Variants in CNTNAP2 observed in about 807,000 individuals in gnomAD.
CNTNAP2 encodes the protein contactin associated protein 2, also known as contactin-associated protein-like 2.
Under a neutral mutation model 155.2 loss-of-function variants are expected in CNTNAP2, and 98 were observed. The ratio of observed to expected loss-of-function variants is 0.63; its 90% CI spans 0.54 to 0.75. The LOEUF (loss-of-function observed/expected upper bound fraction) is 0.75. Among genes scored for constraint, CNTNAP2 ranks in the 30% least tolerant of loss-of-function variants. The pLI is 0.00. For synonymous variants in CNTNAP2, 651 were observed against 631.2 expected (o/e 1.03, Z -0.47); for missense variants, 1,727 against 1,688.1 (o/e 1.02, Z -0.40).
intron 1 of CNTNAP2, among the ~76,000 whole-genome samples, chr7:146,353,316 G>A (rs368337755): frequency 1.3e-4 from 19 of 151,998 alleles, no homozygotes; most frequent in African/African-American, 4.4e-4. Flanking sequence ...TTAAAACACG[G>A]TCTTCACTTG....
At chr7:147,728,405 G>A (rs1425161367) in intron 13 of CNTNAP2, among the ~76,000 whole-genome samples, 2 of 152,000 alleles carry the variant, frequency 1.3e-5, no homozygotes, top group Non-Finnish European at 2.9e-5. Context: ...TTTTTAAACT[G>A]AATTCTTAAA....
chr7:147,437,089 A>C lies in CNTNAP2; in HGVS notation c.1670+41309A>C, dbSNP rs544288957. 1.3e-4 allele frequency among the ~76,000 whole-genome samples: 20 copies of C among 152,174 alleles called. No individual in the cohort carries two copies. In the South Asian group the frequency reaches 4.2e-3, roughly 32 times the overall value. The stretch of plus-strand genomic sequence containing the variant: ...TAAGGCCATCTTGGTCTCGGTGAAC[A>C]CTTGGTTTTCACATAGTTTTAATCA... On this transcript the variant is annotated intron_variant, in intron 10 of 23. Transcript: ENST00000361727.
intron 1 of CNTNAP2, among the ~76,000 whole-genome samples, chr7:146,422,044 A>T (rs1796019469): frequency 6.6e-6 from 1 of 150,506 alleles, no homozygotes; most frequent in South Asian, 2.1e-4. Context: ...CATATGGGTA[A>T]TTTTTTTTTA....
chr7:147,284,465 C>T, intron 8 of CNTNAP2, among the ~76,000 whole-genome samples: 1 of 151,858 alleles, frequency 6.6e-6, no homozygotes, highest in Non-Finnish European at 1.5e-5. Flanking sequence ...TACACATATA[C>T]AAGCACACAT....
intron 8 of CNTNAP2, among the ~76,000 whole-genome samples, chr7:147,264,474 G>T (rs1804562770): frequency 6.6e-6 from 1 of 151,846 alleles, no homozygotes; most frequent in Non-Finnish European, 1.5e-5. Flanking sequence ...GTGAGGGGTT[G>T]TGAATAGTCT....
chr7:146,656,930 T>G (rs535139412), intron 1 of CNTNAP2, among the ~76,000 whole-genome samples: 17 of 152,152 alleles, frequency 1.1e-4, no homozygotes, highest in Non-Finnish European at 2.1e-4. Flanking sequence ...AAGAAACAAT[T>G]TTTTGTACAT....
At chr7:147,651,912 G>A (rs1289111481) in intron 13 of CNTNAP2, among the ~76,000 whole-genome samples, 37 of 152,142 alleles carry the variant, frequency 2.4e-4, no homozygotes, top group Admixed American at 2.4e-3. Flanking sequence ...TCGGAAAGCT[G>A]CAATGTAGCC....
intron 15 of CNTNAP2, among the ~76,000 whole-genome samples, chr7:148,036,285 G>C (rs898480003): frequency 6.6e-6 from 1 of 152,172 alleles, no homozygotes; most frequent in Admixed American, 6.5e-5. Flanking sequence ...GGGATGAAAT[G>C]CTATAATTTG....
chr7:146,238,449 T>G (rs757154698), intron 1 of CNTNAP2, among the ~76,000 whole-genome samples: 1 of 152,000 alleles, frequency 6.6e-6, no homozygotes, highest in Non-Finnish European at 1.5e-5. Flanking sequence ...ATGTCCGAAG[T>G]TTGGACAGGG....
At chr7:146,260,515 C>A (rs1044561713) in intron 1 of CNTNAP2, among the ~76,000 whole-genome samples, 1 of 152,198 alleles carries the variant, frequency 6.6e-6, no homozygotes, top group South Asian at 2.1e-4. Flanking sequence ...CCTTGGGAGC[C>A]TCCCCTCCTT....
chr7:147,459,445 G>T (rs775858064), intron 10 of CNTNAP2, among the ~76,000 whole-genome samples: 17 of 152,152 alleles, frequency 1.1e-4, no homozygotes, highest in Admixed American at 2.0e-4. Context: ...TGACATGACA[G>T]CAGAGACTTT....
At chr7:146,730,536 C>A (rs1266069931) in intron 1 of CNTNAP2, among the ~76,000 whole-genome samples, 1 of 152,120 alleles carries the variant, frequency 6.6e-6, no homozygotes, top group African/African-American at 2.4e-5. Flanking sequence ...ATTACATAAT[C>A]TCTACCCCCT....
At chr7:148,097,822 A>G (rs1226366240) in intron 15 of CNTNAP2, among the ~76,000 whole-genome samples, 1 of 152,190 alleles carries the variant, frequency 6.6e-6, no homozygotes, top group Non-Finnish European at 1.5e-5. Context: ...GTAAGCACCT[A>G]CTATGTGCCC....
chr7:147,799,852 C>T (rs2116586775), intron 13 of CNTNAP2, among the ~76,000 whole-genome samples: 1 of 152,258 alleles, frequency 6.6e-6, no homozygotes, highest in East Asian at 1.9e-4. Flanking sequence ...TTTTTTCACA[C>T]CACTCAATAT....
chr7:148,387,071 G>A (rs1488253244), intron 22 of CNTNAP2, among the ~76,000 whole-genome samples: 1 of 152,152 alleles, frequency 6.6e-6, no homozygotes, highest in Non-Finnish European at 1.5e-5. Context: ...CTTCCTGGGA[G>A]TAAAAGCCAC....
intron 1 of CNTNAP2, among the ~76,000 whole-genome samples, chr7:146,637,511 G>C (rs1434885465): frequency 6.6e-6 from 1 of 152,090 alleles, no homozygotes; most frequent in Non-Finnish European, 1.5e-5. Context: ...CACTTCAATA[G>C]TTATGTGCTT....
intron 20 of CNTNAP2, among the ~76,000 whole-genome samples, chr7:148,263,792 A>G (rs1482761905): frequency 1.3e-5 from 2 of 152,042 alleles, no homozygotes; most frequent in African/African-American, 2.4e-5. Context: ...AAAATTTAGC[A>G]TTTTTGGTTA....
intron 21 of CNTNAP2, among the ~76,000 whole-genome samples, chr7:148,327,685 T>A (rs1345236603): frequency 3.9e-5 from 6 of 152,210 alleles, no homozygotes; most frequent in Non-Finnish European, 8.8e-5. Flanking sequence ...AACCGTATTA[T>A]AATAGACACT....
At chr7:147,017,159 C>T (rs929449583) in intron 3 of CNTNAP2, among the ~76,000 whole-genome samples, 4 of 151,410 alleles carry the variant, frequency 2.6e-5, no homozygotes, top group Non-Finnish European at 5.9e-5. Flanking sequence ...TCTGCTTCTT[C>T]TTCTGTCATA....
Sources: gnomAD v4.1 joint callset for allele counts (sites outside exome capture counted in the v4.1 genomes callset) on GRCh38, gnomAD v4.1.1 for gene constraint, MANE v1.5 for transcripts, NCBI Gene and HGNC (gene_info 2026-07-23, HGNC 2026-07-21) for gene names.